KIF6: variants seen among roughly 807,000 people sequenced by gnomAD.
KIF6 encodes the protein kinesin-like protein KIF6.
Under a neutral mutation model 112.7 loss-of-function variants are expected in KIF6, and 106 were observed. The ratio of observed to expected loss-of-function variants is 0.94; its 90% CI spans 0.80 to 1.11. The LOEUF (loss-of-function observed/expected upper bound fraction) is 1.11, where lower values mean the gene tolerates loss of function less well. Ranked by LOEUF, KIF6 falls within the 50% of genes least tolerant of loss-of-function variation. KIF6 has a pLI of 0.00. For synonymous variants in KIF6, 339 were observed against 339.9 expected (o/e 1.00, Z 0.03); for missense variants, 929 against 964.0 (o/e 0.96, Z 0.48).
intron 21 of KIF6, among the ~76,000 whole-genome samples, chr6:39,344,084 C>T (rs1763525611): frequency 1.3e-5 from 2 of 152,162 alleles, no homozygotes; most frequent in Admixed American, 1.3e-4. Context: ...CTGTAGCTCC[C>T]ATAATTTCCA....
intron 3 of KIF6, chr6:39,691,869 T>G (rs1164246359): frequency 6.6e-6 from 1 of 152,200 alleles, no homozygotes; most frequent in Non-Finnish European, 1.5e-5. Flanking sequence ...AGGACTGAGA[T>G]AGAAAATGAG....
chr6:39,671,557 A>G (rs1397406457), intron 3 of KIF6, among the ~76,000 whole-genome samples: 2 of 152,080 alleles, frequency 1.3e-5, no homozygotes, highest in Non-Finnish European at 2.9e-5. Context: ...CTACATTCCT[A>G]TGTCATTCCT....
At chr6:39,379,784 A>C (rs545407480) in intron 16 of KIF6, among the ~76,000 whole-genome samples, 18 of 152,354 alleles carry the variant, frequency 1.2e-4, no homozygotes, top group African/African-American at 3.8e-4. Context: ...TGTGGATTCC[A>C]TGATGCCTGG....
At chr6:39,468,423 C>A (rs531704261) in intron 13 of KIF6, among the ~76,000 whole-genome samples, 1 of 152,232 alleles carries the variant, frequency 6.6e-6, no homozygotes, top group South Asian at 2.1e-4. Context: ...GACCTAACTA[C>A]ATCATAGTTA....
intron 15 of KIF6, among the ~76,000 whole-genome samples, chr6:39,392,924 T>C (rs1767997014): frequency 1.3e-5 from 2 of 152,302 alleles, no homozygotes; most frequent in Admixed American, 1.3e-4. Flanking sequence ...GCCCTTGGGT[T>C]GAAAGTGCAG....
At chr6:39,490,162 T>G (rs1425885978) in intron 13 of KIF6, among the ~76,000 whole-genome samples, 1 of 152,180 alleles carries the variant, frequency 6.6e-6, no homozygotes, top group Non-Finnish European at 1.5e-5. Flanking sequence ...TTTTCTCCTT[T>G]GGAGAGGCTC....
intron 6 of KIF6, among the ~76,000 whole-genome samples, chr6:39,604,489 C>T (rs1782774232): frequency 6.6e-6 from 1 of 152,034 alleles, no homozygotes; most frequent in Non-Finnish European, 1.5e-5. Context: ...AGTGGATATT[C>T]CTCTACTGGA....
chr6:39,527,408 C>T lies in KIF6; in HGVS notation c.1645+12595G>A, dbSNP rs1777797051. ...ATTTCCTAAACTATTTACTTGCTCT[C>T]CAGGCACCTCATCTCCAATATACTC... is the stretch of plus-strand genomic sequence containing the variant. On this transcript the variant is annotated intron_variant, in intron 13 of 22. Coordinates refer to ENST00000287152, the MANE Select transcript of KIF6 (RefSeq NM_145027.6). 1.3e-5 allele frequency among the ~76,000 whole-genome samples: 2 copies of T among 152,208 alleles called. 1 individual carries two copies. The highest frequency in any genetic ancestry group is 4.2e-4 in the South Asian group (2 of 4,816).
chr6:39,525,783 C>G (rs1777684322), intron 13 of KIF6, among the ~76,000 whole-genome samples: 1 of 151,150 alleles, frequency 6.6e-6, no homozygotes, highest in Admixed American at 6.6e-5. Flanking sequence ...CAGAGTGAGA[C>G]TCCATCTCAA....
rs2150429065 is a variant in KIF6, at chr6:39,464,666, C to T, written c.1646-33505G>A. Among the ~76,000 whole-genome samples the T allele has an allele frequency of 2.6e-5, 4 of 152,290 alleles. No homozygotes were observed. The Middle Eastern group carries it at 0.01, about 388-fold the overall frequency. On this transcript the variant is annotated intron_variant, in intron 13 of 22. Coordinates refer to ENST00000287152, the MANE Select transcript of KIF6 (RefSeq NM_145027.6). ...CAGCCTGGATGCTAGTGGGCTAGGG[C>T]AGCCAGGTGGGGCCAGCTGGAATGC...
At chr6:39,577,988 G>A (rs1001507161) in intron 10 of KIF6, 68 bp downstream of exon 10, 17 of 1,062,544 alleles carry the variant, frequency 1.6e-5, no homozygotes, top group South Asian at 1.6e-4. Flanking sequence ...CATAACATTA[G>A]GGCCAACAAA....
intron 3 of KIF6, among the ~76,000 whole-genome samples, chr6:39,663,457 T>G (rs1281551887): frequency 2.0e-5 from 3 of 152,104 alleles, no homozygotes; most frequent in African/African-American, 7.2e-5. Context: ...AAGAAGCACA[T>G]GGGACCATGT....
chr6:39,593,740 A>G (rs1162000927), intron 7 of KIF6, among the ~76,000 whole-genome samples: 2 of 152,184 alleles, frequency 1.3e-5, no homozygotes, highest in African/African-American at 2.4e-5. Context: ...ACTGCCTGAC[A>G]TGCTCTGCCC....
chr6:39,530,158 T>C (rs760880665), intron 13 of KIF6, among the ~76,000 whole-genome samples: 3 of 152,212 alleles, frequency 2.0e-5, no homozygotes, highest in Admixed American at 6.5e-5. Flanking sequence ...TGGGCCTTTC[T>C]ATATACACAG....
chr6:39,375,403 T>C (rs1382567139), intron 16 of KIF6, among the ~76,000 whole-genome samples: 2 of 152,232 alleles, frequency 1.3e-5, no homozygotes, highest in East Asian at 3.8e-4. Flanking sequence ...ATTAGCTTGA[T>C]TTAAACATTC....
At chr6:39,359,578 T>TTTC (rs1764971081) in intron 18 of KIF6, among the ~76,000 whole-genome samples, 2 of 151,556 alleles carry the variant, frequency 1.3e-5, no homozygotes, top group South Asian at 4.2e-4. Flanking sequence ...AGCTATGTGA[T>TTTC]TTATTATTAT....
chr6:39,672,312 C>T (rs1786865496), intron 3 of KIF6, among the ~76,000 whole-genome samples: 1 of 152,256 alleles, frequency 6.6e-6, no homozygotes, highest in African/African-American at 2.4e-5. Flanking sequence ...TATCAATTAG[C>T]TTATGGTAAC....
At chr6:39,705,984 G>A (rs941379935) in intron 3 of KIF6, among the ~76,000 whole-genome samples, 2 of 152,112 alleles carry the variant, frequency 1.3e-5, no homozygotes, top group East Asian at 3.9e-4. Flanking sequence ...TCTTCATGCT[G>A]CAGAATCAGT....
intron 13 of KIF6, among the ~76,000 whole-genome samples, chr6:39,485,129 C>A (rs1357209726): frequency 1.3e-5 from 2 of 152,190 alleles, no homozygotes; most frequent in Non-Finnish European, 2.9e-5. Flanking sequence ...AAAGGACCTG[C>A]AGTAGTACTT....
Sources: gnomAD v4.1 joint callset for allele counts (sites outside exome capture counted in the v4.1 genomes callset) on GRCh38, gnomAD v4.1.1 for gene constraint, MANE v1.5 for transcripts, NCBI Gene and HGNC (gene_info 2026-07-23, HGNC 2026-07-21) for gene names.